The following GIT2 variants were observed in gnomAD, a reference collection of about 807,000 sequenced individuals.
GIT2 encodes ARF GTPase-activating protein GIT2.
GIT2 carries 32 observed loss-of-function variants against 100.3 expected under a neutral mutation model. The ratio of observed to expected loss-of-function variants is 0.32; its 90% CI spans 0.24 to 0.43. The LOEUF (loss-of-function observed/expected upper bound fraction) is 0.43, where lower values mean the gene tolerates loss of function less well. Ranked by LOEUF, GIT2 falls within the 20% of genes least tolerant of loss-of-function variation. The pLI is 1.00. For synonymous variants in GIT2, 353 were observed against 364.1 expected, an observed-to-expected ratio of 0.97 and a Z score of 0.35; for missense variants, 737 against 975.1, an observed-to-expected ratio of 0.76 and a Z score of 3.25.
At chr12:109,976,280 A>G (rs1352259663) in intron 7 of GIT2, among the ~76,000 whole-genome samples, 1 of 148,944 alleles carries the variant, frequency 6.7e-6, no homozygotes, top group Non-Finnish European at 1.5e-5. Context: ...ACCCTACTAG[A>G]TAATTTTTTT....
At chr12:109,970,698 A>T (rs1883643442) in intron 7 of GIT2, among the ~76,000 whole-genome samples, 1 of 152,228 alleles carries the variant, frequency 6.6e-6, no homozygotes, top group African/African-American at 2.4e-5. Context: ...GCAATTCTGA[A>T]AAATTGGGTG....
chr12:109,965,276 G>A (rs1347635676), intron 9 of GIT2, among the ~76,000 whole-genome samples: 1 of 152,190 alleles, frequency 6.6e-6, no homozygotes, highest in Non-Finnish European at 1.5e-5. Context: ...AATGCCAAAG[G>A]TGCCATCTGC....
chr12:109,953,114 G>A lies in GIT2; in HGVS notation c.1220C>T (p.Ala407Val). 2 of 1,614,174 alleles carry A rather than the reference G, an allele frequency of 1.2e-6. No individual in the cohort carries two copies. Among genetic ancestry groups the A allele is most frequent in the South Asian group, 1.1e-5 (1 of 91,080 alleles). The change falls in exon 13 of 20, where the codon GCA (alanine) becomes GTA (valine). Residue 407 changes from alanine (A) to valine (V), a missense_variant. Around this residue, in one of 3 missense-constraint regions of GIT2, gnomAD observed 451 missense variants for 543.7 expected, o/e 0.83. Transcript: ENST00000355312. The stretch of plus-strand genomic sequence containing the variant: ...CACCTTCTGCCGGTTTGTTTTGCTT[G>A]CAGTGGTTTCCAAATCTGTGTCTTC... ...SDEDTDLETT[A>V]SKTNRQKSLD...
upstream of GIT2, among the ~76,000 whole-genome samples, chr12:109,996,971 G>A (rs958670773): frequency 6.6e-6 from 1 of 151,794 alleles, no homozygotes; most frequent in Non-Finnish European, 1.5e-5. Flanking sequence ...CAGCACTTTG[G>A]GAGGCCGAGG....
In GIT2 at chr12:109,948,295, A is replaced by G. The variant is rs1040913667; in HGVS notation, c.1393-791T>C. The G allele has an allele frequency of 4.1e-6, 4 of 987,066 alleles. No individual in the cohort carries two copies. The African/African-American group carries it at 7.0e-5, about 17-fold the overall frequency. 61.1% of individuals were successfully genotyped at this position (987,066 alleles called of 1,614,324 possible). A position where few individuals can be genotyped will look rare whatever the true frequency, so the allele number is the denominator to read the frequency against. ...TGATCATCTTTCGGCCAGGGCTGGA[A>G]TATTTGGCCTTTCTCTCCTTTGGCT... On this transcript the variant is annotated intron_variant, in intron 14 of 19. Coordinates refer to ENST00000355312, the MANE Select transcript of GIT2 (RefSeq NM_057169.5). This position sits in a 1 kb window ranked among gnomAD's most constrained non-coding sequence, Gnocchi z 4.3.
At chr12:109,963,529 C>A (rs1451438353) in intron 9 of GIT2, among the ~76,000 whole-genome samples, 1 of 152,200 alleles carries the variant, frequency 6.6e-6, no homozygotes, top group Non-Finnish European at 1.5e-5. Flanking sequence ...AAAACTGAGG[C>A]AGAGAAGATA....
chr12:109,997,016 C>T (rs996060278), upstream of GIT2, among the ~76,000 whole-genome samples: 10 of 151,680 alleles, frequency 6.6e-5, no homozygotes, highest in Non-Finnish European at 2.9e-5. Context: ...TCAAGACCAG[C>T]CTGGCCAACA....
intron 7 of GIT2, among the ~76,000 whole-genome samples, chr12:109,970,072 T>C (rs1157378630): frequency 6.6e-6 from 1 of 152,138 alleles, no homozygotes; most frequent in Non-Finnish European, 1.5e-5. Flanking sequence ...CATTTTCTTC[T>C]AGAAGTTTTA....
At chr12:109,936,078 G>A (rs1319167923) in intron 18 of GIT2, among the ~76,000 whole-genome samples, 1 of 152,106 alleles carries the variant, frequency 6.6e-6, no homozygotes, top group Non-Finnish European at 1.5e-5. Flanking sequence ...GGATCAAGAG[G>A]AGAAAACAAG....
chr12:109,999,558 G>C (rs1375029648), upstream of GIT2: 1 of 640,986 alleles, frequency 1.6e-6, no homozygotes, highest in Non-Finnish European at 2.2e-6. The surrounding 1 kb of genome is among the most constrained non-coding windows in gnomAD (Gnocchi z 4.3). Context: ...GACCGGCTCA[G>C]CCGGCCGGCA....
intron 1 of GIT2, among the ~76,000 whole-genome samples, chr12:109,994,102 G>A (rs970266773): frequency 4.1e-5 from 6 of 144,922 alleles, no homozygotes; most frequent in Middle Eastern, 3.5e-3. Flanking sequence ...AAAAAAGACT[G>A]TTTTGAAGCA....
intron 14 of GIT2, 193 bp downstream of exon 14, chr12:109,950,974 G>A: frequency 1.6e-6 from 1 of 623,302 alleles, no homozygotes; most frequent in Non-Finnish European, 2.9e-6. Context: ...CCTACCTGGG[G>A]AACTTACTCT....
chr12:109,966,887 G>A (rs550276657), intron 8 of GIT2, among the ~76,000 whole-genome samples: 1 of 152,226 alleles, frequency 6.6e-6, no homozygotes, highest in South Asian at 2.1e-4. Flanking sequence ...AGCTAGGAAT[G>A]GTTTTTACGT....
chr12:109,989,110 T>C lies in GIT2; in HGVS notation c.300-42A>G, dbSNP rs77078571. On this transcript the variant is annotated intron_variant, in intron 3 of 19. Transcript: ENST00000355312. ...AAAGAAAACAGTTCACTCGTTCAGATACAACAATCCCCATTCTTTGTACTG... is the reference window on the plus strand; with the variant it reads ...AAAGAAAACAGTTCACTCGTTCAGACACAACAATCCCCATTCTTTGTACTG... 7,354 of 1,138,936 alleles carry C rather than the reference T, an allele frequency of 6.5e-3. 78 individuals carry two copies. Among genetic ancestry groups the C allele is most frequent in the South Asian group, 0.027 (2,222 of 81,516 alleles). 70.6% of individuals were successfully genotyped at this position (1,138,936 alleles called of 1,614,324 possible). A position where few individuals can be genotyped will look rare whatever the true frequency, so the allele number is the denominator to read the frequency against.
intron 11 of GIT2, among the ~76,000 whole-genome samples, chr12:109,960,671 C>T (rs992814009): frequency 6.6e-6 from 1 of 152,138 alleles, no homozygotes; most frequent in Non-Finnish European, 1.5e-5. Flanking sequence ...ACTAAAACAC[C>T]TTCATAATTC....
chr12:109,955,362 G>A (rs1316696163), intron 12 of GIT2, among the ~76,000 whole-genome samples: 3 of 152,084 alleles, frequency 2.0e-5, no homozygotes, highest in Admixed American at 6.6e-5. Flanking sequence ...TTCTGACCTC[G>A]TGATCTGCCC....
At chr12:109,952,500 C>T (rs1307881001) in intron 13 of GIT2, 3 of 518,880 alleles carry the variant, frequency 5.8e-6, no homozygotes, top group Non-Finnish European at 1.2e-5. Flanking sequence ...TCTCTTCCGT[C>T]GGGTGTCATA....
chr12:109,940,823 G>C (rs1874431664), intron 16 of GIT2, among the ~76,000 whole-genome samples: 1 of 151,496 alleles, frequency 6.6e-6, no homozygotes, highest in African/African-American at 2.4e-5. Context: ...AGGTTGCAGT[G>C]AGATGAGATC....
intron 7 of GIT2, among the ~76,000 whole-genome samples, chr12:109,976,201 A>G (rs756259740): frequency 2.3e-4 from 35 of 151,698 alleles, no homozygotes; most frequent in Non-Finnish European, 4.3e-4. Context: ...AAATCTTACC[A>G]TTATATTTTT....
Sources: allele counts gnomAD v4.1 joint callset (sites outside exome capture counted in the v4.1 genomes callset), GRCh38; gene constraint gnomAD v4.1.1; regional missense constraint gnomAD v4.1.1; non-coding constraint Gnocchi (gnomAD v3.1); transcripts MANE v1.5; gene names NCBI Gene and HGNC (gene_info 2026-07-23, HGNC 2026-07-21).